SETD7: variants seen among roughly 807,000 people sequenced by gnomAD.
SETD7 encodes the protein SET domain containing 7, histone lysine methyltransferase, also known as histone-lysine N-methyltransferase SETD7.
Under a neutral mutation model 41.8 loss-of-function variants are expected in SETD7, and 16 were observed. The observed-to-expected ratio is 0.38, with a 90% CI of 0.26 to 0.58. SETD7 has a LOEUF of 0.58. Among genes scored for constraint, SETD7 ranks in the 20% least tolerant of loss-of-function variants. The probability of loss-of-function intolerance (pLI) is 0.64; values close to 1 mark genes in which losing one functional copy is unlikely to be tolerated. For synonymous variants in SETD7, 163 were observed against 169.7 expected (o/e 0.96, Z 0.31); for missense variants, 346 against 459.7 (o/e 0.75, Z 2.26).
chr4:139,505,194 C>A (rs2111112752), downstream of SETD7, among the ~76,000 whole-genome samples: 1 of 152,268 alleles, frequency 6.6e-6, no homozygotes, highest in East Asian at 1.9e-4. Context: ...TGTAGCCCTG[C>A]CAAACTTCCT....
At chr4:139,523,265 A>G (rs1727230191) in intron 5 of SETD7, 89 bp downstream of exon 5, 1 of 911,524 alleles carries the variant, frequency 1.1e-6, no homozygotes, top group East Asian at 2.5e-5. Flanking sequence ...CAGCCTGGGC[A>G]GAGAGCCAAA....
intron 2 of SETD7, among the ~76,000 whole-genome samples, chr4:139,545,577 G>A (rs1727918225): frequency 6.6e-6 from 1 of 152,200 alleles, no homozygotes; most frequent in Non-Finnish European, 1.5e-5. Flanking sequence ...GGAAATGAAG[G>A]TTGGAATTAT....
chr4:139,528,501 C>T (rs1727393619), intron 4 of SETD7, among the ~76,000 whole-genome samples: 1 of 152,194 alleles, frequency 6.6e-6, no homozygotes, highest in South Asian at 2.1e-4. Flanking sequence ...TACCTAGGCC[C>T]TTTGTCACAT....
In SETD7 at chr4:139,555,412, G is replaced by T. The variant is rs1354388543; in HGVS notation, c.40+686C>A. ...TGCATCCCAGCCAAGCAGGAAGGGG[G>T]AGGGGGAGGCCTGACTGAGTTCGCT... On this transcript the variant is annotated intron_variant, in intron 1 of 7. Coordinates refer to ENST00000274031, the MANE Select transcript of SETD7 (RefSeq NM_030648.4). The surrounding 1 kb of genome is among the most constrained non-coding windows in gnomAD (Gnocchi z 4.0). Among the ~76,000 whole-genome samples, 1 of 152,066 alleles carries T rather than the reference G, an allele frequency of 6.6e-6. No individual in the cohort carries two copies. Among genetic ancestry groups the T allele is most frequent in the Admixed American group, 6.5e-5 (1 of 15,278 alleles).
chr4:139,546,439 G>T (rs1727949406), intron 2 of SETD7: 2 of 209,376 alleles, frequency 9.6e-6, no homozygotes, highest in South Asian at 1.5e-4. Flanking sequence ...TTGCTTCGGG[G>T]TACTAAGATG....
chr4:139,505,775 A>T (rs2111113326), downstream of SETD7, among the ~76,000 whole-genome samples: 1 of 152,260 alleles, frequency 6.6e-6, no homozygotes, highest in South Asian at 2.1e-4. Flanking sequence ...TCTCATTTGC[A>T]TTCCATACCC....
downstream of SETD7, among the ~76,000 whole-genome samples, chr4:139,501,855 A>C (rs548136685): frequency 2.6e-5 from 4 of 152,206 alleles, no homozygotes; most frequent in Non-Finnish European, 5.9e-5. Flanking sequence ...GGTCCCGAAG[A>C]GTCAGGCCAG....
downstream of SETD7, among the ~76,000 whole-genome samples, chr4:139,504,448 C>A (rs57552844): frequency 0.13 from 19,807 of 152,028 alleles, 1,404 homozygotes; most frequent in South Asian, 0.17. Context: ...GGAGCAGAAA[C>A]CCCTTTTCTG....
chr4:139,533,314 T>A lies in SETD7; in HGVS notation c.223A>T (p.Thr75Ser), dbSNP rs1300856437. The change falls in exon 3 of 8, where the codon ACT (threonine) becomes TCT (serine). Residue 75 changes from threonine (T) to serine (S), a missense_variant. By Grantham distance (58) the Thr-to-Ser change is moderately conservative. Around this residue, in one of 3 missense-constraint regions of SETD7, gnomAD observed 266 missense variants for 377.0 expected, o/e 0.71. Coordinates refer to ENST00000274031, the MANE Select transcript of SETD7 (RefSeq NM_030648.4). ...TGGAGAACTCCCCCATCTTCGTAAG[T>A]GTAAACTCCCTGGCCCTGCAAGGCA... is the stretch of plus-strand genomic sequence containing the variant. ...DDALQGQGVYTYEDGGVLQGT... is the reference protein window; with the variant it reads ...DDALQGQGVYSYEDGGVLQGT... 1 of 1,614,110 alleles carries A rather than the reference T, an allele frequency of 6.2e-7. No individual in the cohort carries two copies. The highest frequency in any genetic ancestry group is 8.5e-7 in the Non-Finnish European group (1 of 1,180,016).
chr4:139,496,159 C>T, exon 8 of SETD7: 3 of 457,454 alleles, frequency 6.6e-6, no homozygotes, highest in South Asian at 4.3e-5. Flanking sequence ...TAATCAAGTC[C>T]TGCTGGTTTG....
rs1010440422 is a variant in SETD7, at chr4:139,507,081, C to T, written c.*4582G>A. On this transcript the variant is annotated 3_prime_UTR_variant, in exon 8 of 8. Transcript: ENST00000274031. Reference sequence around the variant, plus strand: ...TCCCACCCTGGGGTCTCAACCCCAACTCCACTGAGGGCAGCCTCCCTGACG... The same window carrying T: ...TCCCACCCTGGGGTCTCAACCCCAATTCCACTGAGGGCAGCCTCCCTGACG... 11 of 152,710 alleles carry T rather than the reference C, an allele frequency of 7.2e-5. No homozygotes were observed. The highest frequency in any genetic ancestry group is 2.2e-4 in the African/African-American group (9 of 41,468). 9.5% of individuals were successfully genotyped at this position (152,710 alleles called of 1,614,324 possible). A position where few individuals can be genotyped will look rare whatever the true frequency, so the allele number is the denominator to read the frequency against.
intron 1 of SETD7, among the ~76,000 whole-genome samples, chr4:139,547,756 T>C (rs1045199943): frequency 1.3e-5 from 2 of 152,172 alleles, no homozygotes; most frequent in African/African-American, 4.8e-5. Flanking sequence ...CTTTACAAAA[T>C]CTTTCAGCTT....
chr4:139,499,676 C>T (rs1292335071), intron 7 of SETD7, among the ~76,000 whole-genome samples: 53 of 149,462 alleles, frequency 3.5e-4, no homozygotes, highest in Admixed American at 3.5e-3. Context: ...CCCTTAAAAA[C>T]CCCAGCCTCT....
chr4:139,524,327 T>C (rs186673726), intron 4 of SETD7, among the ~76,000 whole-genome samples: 1 of 152,040 alleles, frequency 6.6e-6, no homozygotes, highest in African/African-American at 2.4e-5. Flanking sequence ...AAACGGACCA[T>C]TTGAGTGTTT....
chr4:139,549,786 T>A (rs544065625), intron 1 of SETD7, among the ~76,000 whole-genome samples: 354 of 151,118 alleles, frequency 2.3e-3, no homozygotes, highest in African/African-American at 7.2e-3. Context: ...AAAAAAAAAA[T>A]TTTTTTTTGA....
At chr4:139,526,436 ATT>A (rs11353890) in intron 4 of SETD7, among the ~76,000 whole-genome samples, 2,065 of 122,566 alleles carry the variant, frequency 0.017, 28 homozygotes, top group African/African-American at 0.038. Context: ...TGCCCAGCTA[ATT>A]TTTTTTTTTT....
intron 2 of SETD7, among the ~76,000 whole-genome samples, chr4:139,536,311 G>C (rs1203373427): frequency 1.3e-5 from 2 of 151,870 alleles, no homozygotes; most frequent in African/African-American, 4.8e-5. Flanking sequence ...GCCAGCCGGG[G>C]GAAAAAAAGT....
chr4:139,495,067 A>T (rs1726429704), downstream of SETD7, among the ~76,000 whole-genome samples: 1 of 152,256 alleles, frequency 6.6e-6, no homozygotes, highest in African/African-American at 2.4e-5. Context: ...ATTAATGCAC[A>T]ATCTCTTTCA....
At chr4:139,520,732 A>C (rs1054508603) in intron 5 of SETD7, among the ~76,000 whole-genome samples, 5 of 152,198 alleles carry the variant, frequency 3.3e-5, no homozygotes, top group African/African-American at 1.2e-4. Flanking sequence ...CTTACTGGAC[A>C]AGTAAACATT....
Sources: allele counts gnomAD v4.1 joint callset (sites outside exome capture counted in the v4.1 genomes callset), GRCh38; gene constraint gnomAD v4.1.1; regional missense constraint gnomAD v4.1.1; non-coding constraint Gnocchi (gnomAD v3.1); transcripts MANE v1.5; gene names NCBI Gene and HGNC (gene_info 2026-07-23, HGNC 2026-07-21).